Variants in GYPC observed in about 807,000 individuals in gnomAD.
GYPC encodes glycophorin C (Gerbich blood group), also known as glycophorin-C.
GYPC carries 14 observed loss-of-function variants against 12.6 expected under a neutral mutation model. The ratio of observed to expected loss-of-function variants is 1.11; its 90% CI spans 0.74 to 1.74. The LOEUF (loss-of-function observed/expected upper bound fraction) is 1.74, where lower values mean the gene tolerates loss of function less well. Ranked by LOEUF, GYPC falls within the 40% of genes most tolerant of loss-of-function variation. The pLI is 0.00. For missense variants in GYPC, 225 were observed against 172.1 expected (o/e 1.31, Z -1.72); for synonymous variants, 78 against 62.1 (o/e 1.26, Z -1.20).
intron 1 of GYPC, among the ~76,000 whole-genome samples, chr2:126,668,363 A>T (rs555038640): frequency 3.0e-4 from 46 of 152,214 alleles, no homozygotes; most frequent in Admixed American, 9.8e-4. Flanking sequence ...CAAGTTTGAG[A>T]TCTCCTGCCT....
intron 1 of GYPC, among the ~76,000 whole-genome samples, chr2:126,666,506 G>A (rs1682682671): frequency 6.6e-6 from 1 of 152,166 alleles, no homozygotes; most frequent in African/African-American, 2.4e-5. Flanking sequence ...TCAGTGACTT[G>A]GCAGAATTTA....
intron 1 of GYPC, among the ~76,000 whole-genome samples, chr2:126,678,091 A>G (rs1483798281): frequency 1.3e-5 from 2 of 152,064 alleles, no homozygotes; most frequent in Non-Finnish European, 2.9e-5. Flanking sequence ...CCCTGGTGGC[A>G]CGCACCTGTA....
rs1249719172 is a variant in GYPC at position 126,687,837 on chromosome 2, T to A, written c.50-2418T>A. 3.3e-5 allele frequency among the ~76,000 whole-genome samples: 5 copies of A among 152,136 alleles called. No homozygotes were observed. In the South Asian group the frequency reaches 6.2e-4, roughly 19 times the overall value. ...TAGTCTCCCAGTATACAGATTTGAGTACAAGGTCCCTAACCAGAAGCCAAG... is the reference window on the plus strand; with the variant it reads ...TAGTCTCCCAGTATACAGATTTGAGAACAAGGTCCCTAACCAGAAGCCAAG... On this transcript the variant is annotated intron_variant, in intron 1 of 3. Transcript: ENST00000259254.
At chr2:126,688,906 A>G (rs552823284) in intron 1 of GYPC, among the ~76,000 whole-genome samples, 2 of 152,298 alleles carry the variant, frequency 1.3e-5, no homozygotes, top group South Asian at 2.1e-4. Context: ...TCTCTGTTTT[A>G]TTATGTAGAG....
chr2:126,656,191 G>T lies in GYPC; in HGVS notation c.-73G>T. ...CGCCGAGGGTCAGGAGCCCGGGAGC[G>T]CGACCCTCCCCCGGCCCGGCCTGGC... On this transcript the variant is annotated 5_prime_UTR_variant, in exon 1 of 4. Transcript: ENST00000259254. The T allele has an allele frequency of 6.5e-7, 1 of 1,535,056 alleles. No individual in the cohort carries two copies. The highest frequency in any genetic ancestry group is 8.8e-7 in the Non-Finnish European group (1 of 1,140,054).
chr2:126,672,816 C>A (rs1234634509), intron 1 of GYPC, among the ~76,000 whole-genome samples: 1 of 152,128 alleles, frequency 6.6e-6, no homozygotes, highest in East Asian at 1.9e-4. Flanking sequence ...AGGCCAGGAA[C>A]CACACTCAGC....
intron 1 of GYPC, among the ~76,000 whole-genome samples, chr2:126,682,761 G>A (rs1376231736): frequency 6.6e-6 from 1 of 152,176 alleles, no homozygotes; most frequent in Non-Finnish European, 1.5e-5. Flanking sequence ...CAACAGTCTG[G>A]GCGTTGTCTT....
chr2:126,658,976 C>T (rs1573553190), intron 1 of GYPC, among the ~76,000 whole-genome samples: 1 of 152,282 alleles, frequency 6.6e-6, no homozygotes, highest in East Asian at 1.9e-4. Flanking sequence ...AATTCTCCCA[C>T]CTCAGCATTT....
chr2:126,660,846 T>C (rs1682516671), intron 1 of GYPC, among the ~76,000 whole-genome samples: 1 of 152,084 alleles, frequency 6.6e-6, no homozygotes, highest in Non-Finnish European at 1.5e-5. Context: ...GCACAGTTGT[T>C]GGGCCCCAGG....
chr2:126,678,710 G>C (rs996064627), intron 1 of GYPC: 3 of 152,358 alleles, frequency 2.0e-5, no homozygotes, highest in African/African-American at 7.2e-5. Flanking sequence ...TGTTGTCTCT[G>C]GGCCACTTTG....
intron 1 of GYPC, among the ~76,000 whole-genome samples, chr2:126,669,178 C>A (rs6431170): frequency 0.29 from 44,088 of 152,064 alleles, 7,114 homozygotes; most frequent in East Asian, 0.55. Context: ...GATGCTCTAA[C>A]TCTGGAGAAT....
At chr2:126,657,562 G>A (rs1393997462) in intron 1 of GYPC, 2 of 152,222 alleles carry the variant, frequency 1.3e-5, no homozygotes, top group East Asian at 1.9e-4. Flanking sequence ...TGTGGTTCCC[G>A]GAGCACGTAA....
chr2:126,692,378 G>T (rs1216691443), intron 2 of GYPC, among the ~76,000 whole-genome samples: 2 of 152,108 alleles, frequency 1.3e-5, no homozygotes, highest in African/African-American at 2.4e-5. Context: ...CACCCATTAT[G>T]ACTCCTGACT....
At chr2:126,684,233 CA>C (rs1573572427) in intron 1 of GYPC, among the ~76,000 whole-genome samples, 1 of 152,302 alleles carries the variant, frequency 6.6e-6, no homozygotes, top group East Asian at 1.9e-4. Context: ...ACAGGCTGGT[CA>C]AGTTCACATC....
At chr2:126,659,648 C>G (rs936833247) in intron 1 of GYPC, among the ~76,000 whole-genome samples, 19 of 152,316 alleles carry the variant, frequency 1.2e-4, no homozygotes, top group African/African-American at 4.3e-4. Context: ...GAGTCACCCT[C>G]CAGACAGCTG....
chr2:126,667,630 C>A (rs1234690091), intron 1 of GYPC, among the ~76,000 whole-genome samples: 2 of 152,036 alleles, frequency 1.3e-5, no homozygotes, highest in Non-Finnish European at 2.9e-5. Flanking sequence ...CTCAAACTCC[C>A]GACCTCAGGT....
chr2:126,677,433 G>C (rs545494882), intron 1 of GYPC, among the ~76,000 whole-genome samples: 5 of 139,550 alleles, frequency 3.6e-5, no homozygotes, highest in Non-Finnish European at 6.5e-5. Context: ...GAATGTGAGA[G>C]AGTAGGAGTG....
chr2:126,688,773 C>T (rs1683363965), intron 1 of GYPC, among the ~76,000 whole-genome samples: 1 of 152,154 alleles, frequency 6.6e-6, no homozygotes, highest in African/African-American at 2.4e-5. Flanking sequence ...ACTATGACTC[C>T]TGACTCCAGC....
intron 1 of GYPC, among the ~76,000 whole-genome samples, chr2:126,684,263 C>T (rs1683226480): frequency 6.6e-6 from 1 of 152,154 alleles, no homozygotes; most frequent in South Asian, 2.1e-4. Context: ...CTGTGTATTC[C>T]ATCTGCAAGA....
Sources: allele counts gnomAD v4.1 joint callset (sites outside exome capture counted in the v4.1 genomes callset), GRCh38; gene constraint gnomAD v4.1.1; transcripts MANE v1.5; gene names NCBI Gene and HGNC (gene_info 2026-07-23, HGNC 2026-07-21).